The following TAF3 variants were observed in gnomAD, a reference collection of about 807,000 sequenced individuals.
TAF3 encodes TATA-box binding protein associated factor 3, also known as transcription initiation factor TFIID subunit 3.
A neutral mutation model predicts 80.6 loss-of-function variants in TAF3; 7 were observed. The observed-to-expected ratio is 0.09, with a 90% CI of 0.05 to 0.16. The LOEUF is 0.16. Ranked by LOEUF, TAF3 falls within the 10% of genes least tolerant of loss-of-function variation. The pLI, the probability that TAF3 is intolerant of heterozygous loss-of-function variation, is 1.00. For synonymous variants in TAF3, 444 were observed against 446.1 expected (o/e 1.00, Z 0.06); for missense variants, 921 against 1,140.2 (o/e 0.81, Z 2.77).
chr10:7,963,485 C>A (rs1177634275), intron 2 of TAF3, among the ~76,000 whole-genome samples: 2 of 152,178 alleles, frequency 1.3e-5, no homozygotes, highest in Non-Finnish European at 2.9e-5. Context: ...AATGATGGCA[C>A]ACATGTTTGG....
At chr10:7,906,078 A>G (rs1837606232) in intron 2 of TAF3, among the ~76,000 whole-genome samples, 1 of 152,230 alleles carries the variant, frequency 6.6e-6, no homozygotes, top group South Asian at 2.1e-4. Flanking sequence ...ATAACACTTG[A>G]TGCTATGAAA....
At chr10:7,856,381 G>T (rs11255406) in intron 2 of TAF3, among the ~76,000 whole-genome samples, 1 of 152,080 alleles carries the variant, frequency 6.6e-6, no homozygotes, top group Admixed American at 6.5e-5. Flanking sequence ...TCGGGAGGCC[G>T]AGGCAGGAGA....
chr10:7,984,994 C>T (rs1588576817), intron 4 of TAF3, among the ~76,000 whole-genome samples: 1 of 152,172 alleles, frequency 6.6e-6, no homozygotes, highest in African/African-American at 2.4e-5. Context: ...CTGTTATTTC[C>T]TGTTATGTTA....
intron 2 of TAF3, among the ~76,000 whole-genome samples, chr10:7,919,852 AT>A (rs1195582121): frequency 6.6e-6 from 1 of 151,942 alleles, no homozygotes; most frequent in Admixed American, 6.6e-5. Flanking sequence ...GCTTAATGAC[AT>A]TTTTTCCCTT....
chr10:7,845,539 A>G (rs1193929083), intron 2 of TAF3, among the ~76,000 whole-genome samples: 1 of 152,234 alleles, frequency 6.6e-6, no homozygotes, highest in East Asian at 1.9e-4. Context: ...TGTGGAAGCG[A>G]GAATGTGTTT....
At chr10:7,821,757 A>G (rs1836692898) in intron 1 of TAF3, among the ~76,000 whole-genome samples, 1 of 152,198 alleles carries the variant, frequency 6.6e-6, no homozygotes, top group African/African-American at 2.4e-5. Flanking sequence ...TGCATGGTAC[A>G]GGGAGTAAAT....
At chr10:7,863,658 T>C (rs79822457) in intron 2 of TAF3, among the ~76,000 whole-genome samples, 1,515 of 61,894 alleles carry the variant, frequency 0.024, 309 homozygotes, top group South Asian at 0.061. Flanking sequence ...CACACACACA[T>C]ATATATATAC....
intron 4 of TAF3, among the ~76,000 whole-genome samples, chr10:7,990,265 A>G (rs183847594): frequency 1.1e-4 from 17 of 152,374 alleles, no homozygotes; most frequent in Admixed American, 3.3e-4. Flanking sequence ...AACGGAATGA[A>G]CAGAATGAGT....
intron 2 of TAF3, among the ~76,000 whole-genome samples, chr10:7,861,622 T>C (rs1017197672): frequency 1.3e-5 from 2 of 152,204 alleles, no homozygotes; most frequent in African/African-American, 4.8e-5. Context: ...CAGATATTTT[T>C]CCACCATCTC....
intron 2 of TAF3, among the ~76,000 whole-genome samples, chr10:7,891,854 G>A (rs982153147): frequency 1.1e-4 from 16 of 152,142 alleles, no homozygotes; most frequent in African/African-American, 1.7e-4. Flanking sequence ...TGTATCTACC[G>A]GACTTAGCTT....
At chr10:7,966,052 T>C (rs1158298986) in intron 3 of TAF3, among the ~76,000 whole-genome samples, 1 of 152,198 alleles carries the variant, frequency 6.6e-6, no homozygotes, top group Non-Finnish European at 1.5e-5. Context: ...TCTTAAATTG[T>C]GAATAATATT....
At chr10:7,952,974 A>C (rs1338307456) in intron 2 of TAF3, among the ~76,000 whole-genome samples, 2 of 152,200 alleles carry the variant, frequency 1.3e-5, no homozygotes, top group African/African-American at 4.8e-5. Flanking sequence ...TATAATGATG[A>C]AGTGGATTAT....
chr10:7,866,686 T>A (rs780557090), intron 2 of TAF3, among the ~76,000 whole-genome samples: 22 of 152,254 alleles, frequency 1.4e-4, no homozygotes, highest in South Asian at 6.2e-4. Flanking sequence ...TGAAGAGTTT[T>A]AAGTTATTAG....
At chr10:7,830,229 T>G (rs983408210) in intron 2 of TAF3, among the ~76,000 whole-genome samples, 3 of 152,090 alleles carry the variant, frequency 2.0e-5, no homozygotes, top group African/African-American at 4.8e-5. Flanking sequence ...AAATGGTTGA[T>G]CTGAAGGAAA....
intron 2 of TAF3, 70 bp downstream of exon 2, chr10:7,824,630 T>C (rs1836723765): frequency 6.6e-7 from 1 of 1,512,768 alleles, no homozygotes; most frequent in Admixed American, 1.9e-5. Context: ...TAGCTTTCCA[T>C]GCTATGTCAA....
At chr10:7,862,525 C>T (rs1282387859) in intron 2 of TAF3, among the ~76,000 whole-genome samples, 1 of 152,138 alleles carries the variant, frequency 6.6e-6, no homozygotes, top group Non-Finnish European at 1.5e-5. Flanking sequence ...TTAATTGAGG[C>T]ATAATTTATG....
intron 2 of TAF3, among the ~76,000 whole-genome samples, chr10:7,860,691 C>T (rs1477734418): frequency 6.6e-6 from 1 of 152,192 alleles, no homozygotes; most frequent in Non-Finnish European, 1.5e-5. Context: ...TCTGAACTTA[C>T]TGATTTAAAC....
At chr10:7,823,135 T>A (rs987519921) in intron 1 of TAF3, among the ~76,000 whole-genome samples, 6 of 152,050 alleles carry the variant, frequency 3.9e-5, no homozygotes, top group African/African-American at 1.4e-4. Context: ...AAAACCAAAC[T>A]TTTATGATCT....
At chr10:7,847,601 A>T (rs1205295582) in intron 2 of TAF3, among the ~76,000 whole-genome samples, 2 of 152,064 alleles carry the variant, frequency 1.3e-5, no homozygotes, top group South Asian at 2.1e-4. Context: ...GTGTTACCAC[A>T]TCCAGCTAAT....
Sources: allele counts gnomAD v4.1 joint callset (sites outside exome capture counted in the v4.1 genomes callset), GRCh38; gene constraint gnomAD v4.1.1; transcripts MANE v1.5; gene names NCBI Gene and HGNC (gene_info 2026-07-23, HGNC 2026-07-21).